The following SRP19 variants were observed in gnomAD, a reference collection of about 807,000 sequenced individuals.
SRP19 encodes signal recognition particle 19 kDa protein.
In SRP19, 11 loss-of-function variants were observed where a neutral mutation model predicts 22.4. The ratio of observed to expected loss-of-function variants is 0.49; its 90% confidence interval spans 0.31 to 0.81. The LOEUF (loss-of-function observed/expected upper bound fraction) is 0.81, where lower values mean the gene tolerates loss of function less well. Ranked by LOEUF, SRP19 falls within the 40% of genes least tolerant of loss-of-function variation. The probability of loss-of-function intolerance (pLI) is 0.05; values close to 1 mark genes in which losing one functional copy is unlikely to be tolerated. For missense variants in SRP19, 168 were observed against 175.9 expected, an observed-to-expected ratio of 0.96 and a Z score of 0.25; for synonymous variants, 61 against 57.6, an observed-to-expected ratio of 1.06 and a Z score of -0.27.
chr5:112,873,112 C>G (rs925953755), downstream of SRP19, among the ~76,000 whole-genome samples: 5 of 136,062 alleles, frequency 3.7e-5, no homozygotes, highest in South Asian at 4.6e-4. Flanking sequence ...TTTTGCCCAT[C>G]GTGCTGGGCA....
chr5:112,887,306 A>G (rs2150036621), intron 4 of SRP19: 2 of 916,352 alleles, frequency 2.2e-6, no homozygotes, highest in East Asian at 2.9e-5. Flanking sequence ...CAAAGGCATT[A>G]CCAGTGTTTT....
chr5:112,864,775 T>C, intron 4 of SRP19, 43 bp downstream of exon 4: 1 of 1,433,984 alleles, frequency 7.0e-7, no homozygotes, highest in African/African-American at 1.4e-5. Context: ...GGGATAGGTT[T>C]CTCCTACACA....
chr5:112,891,790 G>A, exon 5 of SRP19: 1 of 1,608,812 alleles, frequency 6.2e-7, no homozygotes, highest in Non-Finnish European at 8.5e-7. Context: ...ACTCTCACAG[G>A]AGGAGGAAGA....
chr5:112,869,146 G>GA lies in SRP19; in HGVS notation c.*1610dup, dbSNP rs1767699787. On this transcript the variant is annotated 3_prime_UTR_variant, in exon 5 of 5. Coordinates refer to ENST00000505459, the MANE Select transcript of SRP19 (RefSeq NM_003135.3). ...TTTGCCTCATATGTTAAATCCAAGT[G>GA]AGGTTGCTGTGGTGGTTGGTTTAGC... is the stretch of plus-strand genomic sequence containing the variant. 1 of 152,204 alleles carries GA rather than the reference G, an allele frequency of 6.6e-6. No homozygotes were observed. The highest frequency in any genetic ancestry group is 1.5e-5 in the Non-Finnish European group (1 of 68,032). The allele number at this position is 152,204 out of a possible 1,614,324, so 9.4% of individuals were successfully genotyped here.
chr5:112,875,275 ACAC>A (rs1287030423), intron 4 of SRP19, among the ~76,000 whole-genome samples: 1 of 152,178 alleles, frequency 6.6e-6, no homozygotes, highest in Non-Finnish European at 1.5e-5. Context: ...GTTATTCTAA[ACAC>A]CATAATTCTA....
At chr5:112,864,822 A>G (rs894092704) in intron 4 of SRP19, 90 bp downstream of exon 4, 10 of 963,920 alleles carry the variant, frequency 1.0e-5, no homozygotes, top group Non-Finnish European at 1.4e-5. Context: ...GGTAAAAGTC[A>G]GAATTTGCAT....
chr5:112,896,076 C>G (rs1246195471), downstream of SRP19: 1 of 152,620 alleles, frequency 6.6e-6, no homozygotes, highest in African/African-American at 2.4e-5. Context: ...CATGCAGTTA[C>G]GGAACTGAGA....
At chr5:112,871,219 T>A (rs1342258580), downstream of SRP19, among the ~76,000 whole-genome samples, 1 of 151,590 alleles carries the variant, frequency 6.6e-6, no homozygotes, top group Non-Finnish European at 1.5e-5. Context: ...TTCTTCACAT[T>A]ATTGCAATTG....
chr5:112,873,680 C>T (rs1198596201), downstream of SRP19, among the ~76,000 whole-genome samples: 2 of 152,046 alleles, frequency 1.3e-5, no homozygotes, highest in East Asian at 3.9e-4. Context: ...TTGTCATCTG[C>T]ATGTTCCCTT....
At chr5:112,876,172 T>C (rs944642220) in intron 4 of SRP19, among the ~76,000 whole-genome samples, 2 of 152,194 alleles carry the variant, frequency 1.3e-5, no homozygotes, top group African/African-American at 4.8e-5. Flanking sequence ...GTGCTAATTA[T>C]TGGTAGAAAC....
exon 5 of SRP19, chr5:112,892,004 A>C: frequency 7.9e-7 from 1 of 1,273,732 alleles, no homozygotes; most frequent in Non-Finnish European, 1.2e-6. Flanking sequence ...CAGCAGAGGA[A>C]AGAGAGAGAA....
chr5:112,886,294 A>G (rs994220202), intron 4 of SRP19, among the ~76,000 whole-genome samples: 2 of 152,174 alleles, frequency 1.3e-5, no homozygotes, highest in Non-Finnish European at 2.9e-5. Flanking sequence ...AAGGTATTCG[A>G]TATGTTACAA....
chr5:112,870,625 C>G (rs1028437143), downstream of SRP19, among the ~76,000 whole-genome samples: 1 of 152,116 alleles, frequency 6.6e-6, no homozygotes, highest in African/African-American at 2.4e-5. Flanking sequence ...AATTTAATTG[C>G]CATTGTGATG....
downstream of SRP19, among the ~76,000 whole-genome samples, chr5:112,870,220 C>A (rs1488718241): frequency 6.6e-6 from 1 of 152,148 alleles, no homozygotes; most frequent in Non-Finnish European, 1.5e-5. Flanking sequence ...GGTACAGTGG[C>A]TCACACCTAT....
At chr5:112,864,412 C>T (rs543135645) in intron 2 of SRP19, 45 bp from the exon 3 acceptor site, 3 of 1,505,284 alleles carry the variant, frequency 2.0e-6, no homozygotes, top group Non-Finnish European at 2.8e-6. Context: ...TGGCAGTGTC[C>T]ACTTAAAGCA....
Position 112,891,958 on chromosome 5 carries a change from G to A in SRP19, c.*351G>A, listed in dbSNP as rs755182345. The A allele has an allele frequency of 2.4e-6, 3 of 1,237,662 alleles. 1 individual carries two copies. The highest frequency in any genetic ancestry group is 3.6e-6 in the Non-Finnish European group (3 of 837,394). The allele number at this position is 1,237,662 out of a possible 1,614,324, so 76.7% of individuals were successfully genotyped here. On this transcript the variant is annotated 3_prime_UTR_variant, in exon 5 of 5. Transcript: ENST00000391338. ...AGAGGCGGCTAAAAAATGGCTAGAAGAACAAGAGAGAAAGTTAAAGGAACA... is the reference window on the plus strand; with the variant it reads ...AGAGGCGGCTAAAAAATGGCTAGAAAAACAAGAGAGAAAGTTAAAGGAACA...
chr5:112,870,361 A>G (rs1379598532), downstream of SRP19, among the ~76,000 whole-genome samples: 1 of 152,092 alleles, frequency 6.6e-6, no homozygotes, highest in Non-Finnish European at 1.5e-5. Context: ...ACATGCCTAT[A>G]GTCTTAGCTA....
In SRP19 at chr5:112,888,269, A is replaced by G. The variant is rs545977548; in HGVS notation, c.302-3334A>G. ...GTCTTTCAGGTGTTTTAGAGATACA[A>G]AGCTGATAAAGGGCTAACACTAATG... On this transcript the variant is annotated intron_variant, in intron 4 of 4. Coordinates refer to the SRP19 transcript ENST00000391338. Among the ~76,000 whole-genome samples, 5 of 152,368 alleles carry G rather than the reference A, an allele frequency of 3.3e-5. No individual in the cohort carries two copies. In the East Asian group the frequency reaches 9.6e-4, roughly 29 times the overall value.
chr5:112,889,953 A>G (rs1269348208), intron 4 of SRP19, among the ~76,000 whole-genome samples: 2 of 150,178 alleles, frequency 1.3e-5, no homozygotes, highest in East Asian at 4.1e-4. Context: ...CAGCCTCCCA[A>G]GTAGCTGGGA....
Sources: gnomAD v4.1 joint callset for allele counts (sites outside exome capture counted in the v4.1 genomes callset) on GRCh38, gnomAD v4.1.1 for gene constraint, MANE v1.5 for transcripts, NCBI Gene and HGNC (gene_info 2026-07-23, HGNC 2026-07-21) for gene names.